WWC1: variants seen among roughly 807,000 people sequenced by gnomAD.
WWC1 encodes the protein protein KIBRA.
WWC1 carries 55 observed loss-of-function variants against 138.4 expected under a neutral mutation model. The observed-to-expected ratio is 0.40, with a 90% CI of 0.32 to 0.50. WWC1 has a LOEUF of 0.50. Among genes scored for constraint, WWC1 ranks in the 20% least tolerant of loss-of-function variants. The pLI is 0.72. For missense variants in WWC1, 1,226 were observed against 1,420.4 expected (o/e 0.86, Z 2.20); for synonymous variants, 524 against 564.9 (o/e 0.93, Z 1.03).
At chr5:168,432,294 C>T (rs1005786618) in intron 15 of WWC1, among the ~76,000 whole-genome samples, 1 of 152,162 alleles carries the variant, frequency 6.6e-6, no homozygotes, top group Admixed American at 6.6e-5. Context: ...AGTGGGTTCT[C>T]GTTTAGTGGG....
At chr5:168,440,954 G>T (rs1754697689) in intron 15 of WWC1, among the ~76,000 whole-genome samples, 1 of 152,170 alleles carries the variant, frequency 6.6e-6, no homozygotes, top group African/African-American at 2.4e-5. Context: ...CCATACAGTG[G>T]AATATTATTC....
intron 5 of WWC1, among the ~76,000 whole-genome samples, chr5:168,402,962 T>A (rs1582168689): frequency 6.8e-6 from 1 of 147,914 alleles, no homozygotes; most frequent in South Asian, 2.1e-4. Context: ...TAATTTCCCC[T>A]ATTAGAAAAT....
rs556391288 is a variant in WWC1, at chr5:168,377,009, C to T, written c.229+5476C>T. On this transcript the variant is annotated intron_variant, in intron 2 of 22. Transcript: ENST00000265293. ...GCAAAAAGAACAAAGCCAGAGGCAT[C>T]ATATTATCCAACTTCAAACTATACT... 1.7e-4 allele frequency among the ~76,000 whole-genome samples: 26 copies of T among 152,316 alleles called. No individual in the cohort carries two copies. In the East Asian group the frequency reaches 4.6e-3, roughly 27 times the overall value.
intron 22 of WWC1, among the ~76,000 whole-genome samples, chr5:168,468,463 C>T (rs916236381): frequency 4.0e-5 from 6 of 151,598 alleles, no homozygotes; most frequent in African/African-American, 1.5e-4. Context: ...CTGATGTCCT[C>T]TCAAACAAGG....
At chr5:168,307,826 G>A (rs145933282) in intron 1 of WWC1, among the ~76,000 whole-genome samples, 1,702 of 152,056 alleles carry the variant, frequency 0.011, 27 homozygotes, top group African/African-American at 0.039. Context: ...TAGCCAGGCT[G>A]GTCTCGATCT....
intron 1 of WWC1, among the ~76,000 whole-genome samples, chr5:168,338,878 T>C (rs1773732801): frequency 6.6e-6 from 1 of 152,132 alleles, no homozygotes; most frequent in Admixed American, 6.6e-5. Context: ...AAATTACAGC[T>C]AGACAGGAGG....
chr5:168,361,969 G>C (rs1228350510), intron 1 of WWC1, among the ~76,000 whole-genome samples: 1 of 152,188 alleles, frequency 6.6e-6, no homozygotes, highest in African/African-American at 2.4e-5. Flanking sequence ...TGTGGTCCCA[G>C]CTACTTGGGA....
At chr5:168,293,448 G>A (rs575354428) in intron 1 of WWC1, among the ~76,000 whole-genome samples, 2 of 152,082 alleles carry the variant, frequency 1.3e-5, no homozygotes, top group Non-Finnish European at 2.9e-5. Context: ...GAATATAAGC[G>A]GAAAGAAAAT....
At chr5:168,352,167 T>C (rs1775019589) in intron 1 of WWC1, among the ~76,000 whole-genome samples, 1 of 152,230 alleles carries the variant, frequency 6.6e-6, no homozygotes, top group Non-Finnish European at 1.5e-5. Flanking sequence ...TGTCCACATG[T>C]GCTTATTGAG....
chr5:168,430,279 TG>T (rs1340338338), intron 14 of WWC1, 56 bp downstream of exon 14: 18 of 1,467,154 alleles, frequency 1.2e-5, no homozygotes, highest in Non-Finnish European at 1.5e-5. Context: ...GAGTTACCCC[TG>T]GGGGTCACTT....
chr5:168,405,035 A>G (rs1349803288), intron 5 of WWC1, among the ~76,000 whole-genome samples: 1 of 151,970 alleles, frequency 6.6e-6, no homozygotes, highest in Non-Finnish European at 1.5e-5. Context: ...TGCCCATCCC[A>G]TATTCCATTT....
At chr5:168,437,021 A>C (rs1284243529) in intron 15 of WWC1, among the ~76,000 whole-genome samples, 3 of 145,192 alleles carry the variant, frequency 2.1e-5, no homozygotes, top group Non-Finnish European at 4.4e-5. Flanking sequence ...GCCACTTATT[A>C]AAATCTCTGG....
chr5:168,425,993 C>CT (rs1308333738), intron 11 of WWC1, among the ~76,000 whole-genome samples: 3 of 152,190 alleles, frequency 2.0e-5, no homozygotes, highest in Non-Finnish European at 4.4e-5. Context: ...GTGAGGCCAG[C>CT]TAGAAGCAGC....
intron 1 of WWC1, among the ~76,000 whole-genome samples, chr5:168,311,658 G>A (rs1581885581): frequency 6.6e-6 from 1 of 152,138 alleles, no homozygotes; most frequent in South Asian, 2.1e-4. Context: ...ATCACCTGAG[G>A]TCAGGAGTTC....
intron 2 of WWC1, among the ~76,000 whole-genome samples, chr5:168,372,053 T>TTGTGTGTGTGTGTGTGTG (rs10595228): frequency 2.1e-5 from 3 of 141,262 alleles, no homozygotes; most frequent in South Asian, 2.3e-4. Flanking sequence ...AAGAGTGTGT[T>TTGTGTGTGTGTGTGTGTG]TGTGTGTGTG....
intron 1 of WWC1, among the ~76,000 whole-genome samples, chr5:168,367,438 T>C: frequency 6.6e-6 from 1 of 151,396 alleles, no homozygotes; most frequent in East Asian, 1.9e-4. Flanking sequence ...TTCACGCCAT[T>C]CTCCTGCCTC....
chr5:168,343,682 C>T (rs868580110), intron 1 of WWC1, among the ~76,000 whole-genome samples: 3 of 151,986 alleles, frequency 2.0e-5, no homozygotes, highest in Non-Finnish European at 4.4e-5. Flanking sequence ...ATTAGCTGGG[C>T]GTGGTGGCGT....
intron 9 of WWC1, among the ~76,000 whole-genome samples, chr5:168,418,209 C>T (rs184397682): frequency 1.9e-4 from 29 of 152,284 alleles, no homozygotes; most frequent in East Asian, 7.8e-4. Context: ...TGCCAAACCC[C>T]GCTCACAAAT....
chr5:168,416,204 G>A (rs1416541490), intron 9 of WWC1: 1 of 152,202 alleles, frequency 6.6e-6, no homozygotes, highest in Non-Finnish European at 1.5e-5. Context: ...CTCCGCACTA[G>A]TTGCTTAGTC....
Sources: allele counts gnomAD v4.1 joint callset (sites outside exome capture counted in the v4.1 genomes callset), GRCh38; gene constraint gnomAD v4.1.1; transcripts MANE v1.5; gene names NCBI Gene and HGNC (gene_info 2026-07-23, HGNC 2026-07-21).